Variants in KTN1 observed in about 807,000 individuals in gnomAD.
KTN1 encodes kinectin 1.
In KTN1, 130 loss-of-function variants were observed where a neutral mutation model predicts 222.5. The observed-to-expected ratio is 0.58, with a 90% confidence interval of 0.51 to 0.68. The LOEUF (loss-of-function observed/expected upper bound fraction) is 0.68. Among genes scored for constraint, KTN1 ranks in the 30% least tolerant of loss-of-function variants. The pLI, the probability that KTN1 is intolerant of heterozygous loss-of-function variation, is 0.00. For synonymous variants in KTN1, 512 were observed against 496.3 expected, an observed-to-expected ratio of 1.03 and a Z score of -0.42; for missense variants, 1,508 against 1,500.4, an observed-to-expected ratio of 1.01 and a Z score of -0.08.
At chr14:55,582,733 G>T (rs566098493) in intron 1 of KTN1, among the ~76,000 whole-genome samples, 1 of 152,228 alleles carries the variant, frequency 6.6e-6, no homozygotes, top group South Asian at 2.1e-4. Flanking sequence ...GAACTTAAGT[G>T]GTTCTAGGAA....
At position 55,637,347 on chromosome 14, in the gene KTN1, C is replaced by A; in HGVS notation, c.1699C>A (p.Leu567Ile). 1.3e-6 allele frequency: 2 copies of A among 1,559,428 alleles called. No individual in the cohort carries two copies. Among genetic ancestry groups the A allele is most frequent in the Non-Finnish European group, 1.7e-6 (2 of 1,156,532 alleles). The change falls in exon 11 of 44, where the codon CTA becomes ATA. Residue 567 changes from leucine (L) to isoleucine (I), a missense_variant. Transcript: ENST00000395314. ...EQKRVNKEESLQMQVQDILEQ... is the reference protein window; with the variant it reads ...EQKRVNKEESIQMQVQDILEQ... ...GAAAAGGGTGAACAAAGAAGAGTCT[C>A]TACAAATGCAGGTTCAGGTATTTTT...
At chr14:55,584,425 A>C (rs1030015503) in intron 1 of KTN1, among the ~76,000 whole-genome samples, 6 of 152,216 alleles carry the variant, frequency 3.9e-5, no homozygotes, top group Admixed American at 3.9e-4. Flanking sequence ...CAATGAGGAA[A>C]TTATATACTG....
At chr14:55,659,540 C>T (rs932079961) in intron 30 of KTN1, 126 bp from the exon 31 acceptor site, 1 of 674,318 alleles carries the variant, frequency 1.5e-6, no homozygotes, top group Non-Finnish European at 2.7e-6. Flanking sequence ...GTCAGGGTTA[C>T]TGGCATATGA....
intron 38 of KTN1, 52 bp downstream of exon 38, chr14:55,672,753 A>G (rs530202233): frequency 1.6e-6 from 2 of 1,268,508 alleles, no homozygotes; most frequent in African/African-American, 1.5e-5. Context: ...TTTTAGCATT[A>G]ACGGTTGTCT....
intron 1 of KTN1, among the ~76,000 whole-genome samples, chr14:55,597,104 A>G (rs1229534319): frequency 2.0e-5 from 3 of 152,202 alleles, no homozygotes; most frequent in Non-Finnish European, 2.9e-5. Flanking sequence ...AGGACCACCT[A>G]TATAAAGTTA....
intron 18 of KTN1, among the ~76,000 whole-genome samples, chr14:55,644,830 A>C (rs1329425454): frequency 1.3e-5 from 2 of 152,150 alleles, no homozygotes; most frequent in African/African-American, 4.8e-5. Context: ...AAAATGTTGG[A>C]GGAGATGCAA....
chr14:55,628,733 A>G (rs766688012), intron 6 of KTN1, among the ~76,000 whole-genome samples: 6 of 152,202 alleles, frequency 3.9e-5, no homozygotes, highest in Non-Finnish European at 8.8e-5. Flanking sequence ...AAAAAAGTCA[A>G]TGGAAAAAGT....
At chr14:55,629,774 G>A (rs2040305037) in intron 6 of KTN1, among the ~76,000 whole-genome samples, 183 bp from the exon 7 acceptor site, 2 of 152,194 alleles carry the variant, frequency 1.3e-5, no homozygotes, top group African/African-American at 4.8e-5. Flanking sequence ...GGCGTGAAGA[G>A]CAGATGAGAT....
At chr14:55,582,469 A>C (rs2031911294) in intron 1 of KTN1, among the ~76,000 whole-genome samples, 1 of 152,166 alleles carries the variant, frequency 6.6e-6, no homozygotes, top group African/African-American at 2.4e-5. Context: ...CACTGTTCTT[A>C]AGTTCTTAAC....
chr14:55,585,684 A>AT (rs2032840395), intron 1 of KTN1, among the ~76,000 whole-genome samples: 3 of 152,228 alleles, frequency 2.0e-5, no homozygotes, highest in Admixed American at 1.3e-4. Flanking sequence ...TTTTGACTCT[A>AT]TTTTCATGTT....
At chr14:55,670,332 C>T (rs1479948418) in intron 34 of KTN1, among the ~76,000 whole-genome samples, 1 of 151,972 alleles carries the variant, frequency 6.6e-6, no homozygotes, top group East Asian at 1.9e-4. Context: ...TTTTTGAGAA[C>T]TGATTTACCT....
intron 6 of KTN1, among the ~76,000 whole-genome samples, chr14:55,629,189 G>C (rs1387336535): frequency 2.0e-5 from 3 of 152,120 alleles, no homozygotes; most frequent in Admixed American, 6.5e-5. Context: ...GGCTGAGGCG[G>C]GTGAATCATG....
At position 55,672,475 on chromosome 14, in the gene KTN1, T is replaced by G. The variant is rs146600797; in HGVS notation, c.3532-155T>G. 5.9e-4 allele frequency: 325 copies of G among 547,820 alleles called. 1 individual carries two copies. Among genetic ancestry groups the G allele is most frequent in the Non-Finnish European group, 2.0e-4 (60 of 306,826 alleles). The allele number at this position is 547,820 out of a possible 1,614,324, so 33.9% of individuals were successfully genotyped here. A position where few individuals can be genotyped will look rare whatever the true frequency, so the allele number is the denominator to read the frequency against. On this transcript the variant is annotated intron_variant, in intron 37 of 43. Transcript: ENST00000395314. Reference sequence around the variant, plus strand: ...ACCACAATTTAAATCAAGTTCAATGTGACTCATTTTTAAGGTCTTTTAAAA... The same window carrying G: ...ACCACAATTTAAATCAAGTTCAATGGGACTCATTTTTAAGGTCTTTTAAAA...
intron 1 of KTN1, among the ~76,000 whole-genome samples, chr14:55,593,692 C>T (rs997848982): frequency 2.6e-5 from 4 of 151,858 alleles, no homozygotes; most frequent in African/African-American, 9.7e-5. Context: ...ACTAGCTTTG[C>T]ATTAAGGAAT....
chr14:55,646,554 T>TTCCTTTCCTTCTC (rs2042379707), intron 18 of KTN1, among the ~76,000 whole-genome samples: 1 of 116,210 alleles, frequency 8.6e-6, no homozygotes, highest in Non-Finnish European at 1.9e-5. Context: ...CCTTCTCTCT[T>TTCCTTTCCTTCTC]TCTCTCTCTT....
At chr14:55,662,886 A>C (rs1401383588) in intron 32 of KTN1, 1 of 456,042 alleles carries the variant, frequency 2.2e-6, no homozygotes, top group South Asian at 1.5e-5. Flanking sequence ...GTGTTTTATT[A>C]TTGGACTTCT....
At chr14:55,677,103 C>T (rs764005595) in intron 41 of KTN1, among the ~76,000 whole-genome samples, 1 of 152,134 alleles carries the variant, frequency 6.6e-6, no homozygotes, top group African/African-American at 2.4e-5. Context: ...TGATAGGTGA[C>T]AGTTAACTGC....
chr14:55,647,822 T>A (rs1209168445), intron 19 of KTN1, among the ~76,000 whole-genome samples: 2 of 150,970 alleles, frequency 1.3e-5, no homozygotes, highest in Non-Finnish European at 2.9e-5. Flanking sequence ...CGGGCGCCTG[T>A]AGTCCCAGCT....
chr14:55,600,891 G>A (rs1020050648), intron 1 of KTN1, among the ~76,000 whole-genome samples: 3 of 150,866 alleles, frequency 2.0e-5, no homozygotes, highest in Admixed American at 6.6e-5. Context: ...TTTTTTTACC[G>A]AATAAACTTT....
Sources: allele counts gnomAD v4.1 joint callset (sites outside exome capture counted in the v4.1 genomes callset), GRCh38; gene constraint gnomAD v4.1.1; transcripts MANE v1.5; gene names NCBI Gene and HGNC (gene_info 2026-07-23, HGNC 2026-07-21).